CSMD1: variants seen among roughly 807,000 people sequenced by gnomAD.
The protein encoded by CSMD1 is CUB and sushi domain-containing protein 1.
A neutral mutation model predicts 417.5 loss-of-function variants in CSMD1; 213 were observed. The observed-to-expected ratio is 0.51, with a 90% CI of 0.46 to 0.57. The LOEUF (loss-of-function observed/expected upper bound fraction) is 0.57, where lower values mean the gene tolerates loss of function less well. Among genes scored for constraint, CSMD1 ranks in the 20% least tolerant of loss-of-function variants. The probability of loss-of-function intolerance (pLI) is 0.00; values close to 1 mark genes in which losing one functional copy is unlikely to be tolerated. For synonymous variants in CSMD1, 2,862 were observed against 1,736.8 expected (o/e 1.65, Z -16.11); for missense variants, 6,923 against 4,529.7 (o/e 1.53, Z -15.17).
intron 1 of CSMD1, among the ~76,000 whole-genome samples, chr8:4,949,445 A>G (rs916036218): frequency 1.8e-4 from 28 of 152,208 alleles, no homozygotes; most frequent in African/African-American, 6.8e-4. Flanking sequence ...TGTATTATTT[A>G]TAGAAAAATA....
chr8:3,747,871 C>G (rs1797136556), intron 6 of CSMD1, among the ~76,000 whole-genome samples: 1 of 152,052 alleles, frequency 6.6e-6, no homozygotes, highest in Non-Finnish European at 1.5e-5. Flanking sequence ...GCTGGGGAGG[C>G]ATTGAGTCTG....
intron 26 of CSMD1, among the ~76,000 whole-genome samples, chr8:3,255,859 G>C (rs1029542263): frequency 3.9e-5 from 6 of 152,144 alleles, no homozygotes; most frequent in African/African-American, 1.4e-4. Flanking sequence ...CACTTGGTGT[G>C]CTGCACCCAC....
At chr8:3,448,502 T>G (rs963566057) in intron 12 of CSMD1, among the ~76,000 whole-genome samples, 1 of 136,606 alleles carries the variant, frequency 7.3e-6, no homozygotes. Flanking sequence ...ACTTTTTCCC[T>G]GAAAACTTGG....
At chr8:4,235,940 G>A (rs994451873) in intron 3 of CSMD1, among the ~76,000 whole-genome samples, 46 of 151,444 alleles carry the variant, frequency 3.0e-4, no homozygotes, top group Admixed American at 3.0e-3. Context: ...TGTGTTTACC[G>A]TGAAATTAAC....
intron 3 of CSMD1, among the ~76,000 whole-genome samples, chr8:4,168,750 G>T (rs1451201479): frequency 6.6e-6 from 1 of 152,064 alleles, no homozygotes; most frequent in Admixed American, 6.5e-5. Context: ...GGCTATTCAA[G>T]TTAGGCTTTA....
chr8:3,800,105 C>G (rs1224449810), intron 5 of CSMD1, among the ~76,000 whole-genome samples: 2 of 152,090 alleles, frequency 1.3e-5, no homozygotes, highest in African/African-American at 4.8e-5. Flanking sequence ...CTAAGATCCA[C>G]TGAAGTATAT....
chr8:3,317,134 G>T (rs1218865297), intron 23 of CSMD1, among the ~76,000 whole-genome samples: 2 of 152,134 alleles, frequency 1.3e-5, no homozygotes, highest in Non-Finnish European at 2.9e-5. Flanking sequence ...CATGGGAGAG[G>T]TGAGGGAGGA....
At chr8:3,847,902 C>G (rs904031512) in intron 5 of CSMD1, among the ~76,000 whole-genome samples, 1 of 152,162 alleles carries the variant, frequency 6.6e-6, no homozygotes. Flanking sequence ...TATCCGTTTT[C>G]TCTCCTTATA....
At chr8:3,073,029 TA>T in intron 49 of CSMD1, among the ~76,000 whole-genome samples, 1 of 152,296 alleles carries the variant, frequency 6.6e-6, no homozygotes, top group African/African-American at 2.4e-5. Context: ...CTCTTTTTTG[TA>T]AAAATGAAAT....
chr8:4,140,800 T>G (rs35005672), intron 3 of CSMD1, among the ~76,000 whole-genome samples: 45,168 of 150,576 alleles, frequency 0.3, 8,439 homozygotes, highest in Non-Finnish European at 0.39. Context: ...TTTGATTTTC[T>G]AAGCGTGTAA....
chr8:4,180,412 C>G (rs1468394030), intron 3 of CSMD1, among the ~76,000 whole-genome samples: 1 of 127,272 alleles, frequency 7.9e-6, no homozygotes, highest in Admixed American at 1.0e-4. Flanking sequence ...GAACATCACA[C>G]TCTGGGGACT....
chr8:4,218,111 G>A (rs1027921891), intron 3 of CSMD1, among the ~76,000 whole-genome samples: 1 of 152,182 alleles, frequency 6.6e-6, no homozygotes, highest in Non-Finnish European at 1.5e-5. Context: ...GGACATTGGC[G>A]ATGACCTTGA....
intron 3 of CSMD1, among the ~76,000 whole-genome samples, chr8:4,193,008 A>G (rs771894846): frequency 6.6e-6 from 1 of 152,268 alleles, no homozygotes; most frequent in Non-Finnish European, 1.5e-5. Context: ...ATATCTTTGT[A>G]ACTCAGGAAC....
At chr8:4,372,936 G>T (rs916543210) in intron 3 of CSMD1, among the ~76,000 whole-genome samples, 1 of 152,216 alleles carries the variant, frequency 6.6e-6, no homozygotes, top group Non-Finnish European at 1.5e-5. Context: ...AGCACATAGT[G>T]ATTTGCTTCC....
chr8:3,923,996 A>C (rs1433220315), intron 5 of CSMD1, among the ~76,000 whole-genome samples: 8 of 152,158 alleles, frequency 5.3e-5, no homozygotes. Flanking sequence ...TTTACAGGTA[A>C]GTTTTGTGCT....
intron 5 of CSMD1, among the ~76,000 whole-genome samples, chr8:3,905,286 C>G (rs1418051336): frequency 6.6e-6 from 1 of 152,102 alleles, no homozygotes; most frequent in Non-Finnish European, 1.5e-5. Flanking sequence ...GGAAAATATT[C>G]ACTGAATAAC....
At chr8:3,362,403 G>A (rs538943170) in intron 20 of CSMD1, among the ~76,000 whole-genome samples, 1 of 152,036 alleles carries the variant, frequency 6.6e-6, no homozygotes, top group South Asian at 2.1e-4. Context: ...CAATTCTTAG[G>A]CTTCCTCTTA....
chr8:3,212,353 C>T (rs1054842377), intron 30 of CSMD1, among the ~76,000 whole-genome samples: 1 of 152,004 alleles, frequency 6.6e-6, no homozygotes, highest in Admixed American at 6.5e-5. Flanking sequence ...GATTTTAAAA[C>T]ACAAAAAATA....
intron 2 of CSMD1, among the ~76,000 whole-genome samples, chr8:4,536,264 T>C (rs930619433): frequency 6.6e-6 from 1 of 152,196 alleles, no homozygotes; most frequent in Admixed American, 6.5e-5. Flanking sequence ...ATATTTTAAA[T>C]AAAATCTACA....
Sources: allele counts gnomAD v4.1 joint callset (sites outside exome capture counted in the v4.1 genomes callset), GRCh38; gene constraint gnomAD v4.1.1; transcripts MANE v1.5; gene names NCBI Gene and HGNC (gene_info 2026-07-23, HGNC 2026-07-21).